The following UBL3 variants were observed in gnomAD, a reference collection of about 807,000 sequenced individuals.
UBL3 encodes the protein ubiquitin-like protein 3.
UBL3 carries 6 observed loss-of-function variants against 18.4 expected under a neutral mutation model. The observed-to-expected ratio is 0.33, with a 90% CI of 0.18 to 0.64. UBL3 has a LOEUF of 0.64. UBL3 is among the 30% of genes least tolerant of loss of function. UBL3 has a pLI of 0.76. For synonymous variants in UBL3, 49 were observed against 46.6 expected, an observed-to-expected ratio of 1.05 and a Z score of -0.21; for missense variants, 109 against 142.9, an observed-to-expected ratio of 0.76 and a Z score of 1.21.
At chr13:29,813,823 T>C (rs780514337) in intron 1 of UBL3, among the ~76,000 whole-genome samples, 4 of 152,094 alleles carry the variant, frequency 2.6e-5, no homozygotes, top group African/African-American at 9.7e-5. Flanking sequence ...AAATTCACTT[T>C]GCATCATTAT....
At chr13:29,790,431 A>C (rs948474233) in intron 1 of UBL3, among the ~76,000 whole-genome samples, 10 of 152,306 alleles carry the variant, frequency 6.6e-5, no homozygotes, top group African/African-American at 2.2e-4. Context: ...GAAAACATCA[A>C]AAACCTTCTT....
rs777999404 is a variant in UBL3 at position 29,767,230 on chromosome 13, T to C, written c.*25A>G. ...AGCAGCATGAAAGACAAAGACTATA[T>C]CACATCACACTAGGCAGACAGTGTT... On this transcript the variant is annotated 3_prime_UTR_variant, in exon 5 of 5. Transcript: ENST00000380680. 3.1e-6 allele frequency: 5 copies of C among 1,612,218 alleles called. 1 individual carries two copies. The South Asian group carries it at 5.5e-5, about 18-fold the overall frequency.
intron 1 of UBL3, among the ~76,000 whole-genome samples, chr13:29,803,655 A>C (rs1877829410): frequency 6.6e-6 from 1 of 152,164 alleles, no homozygotes; most frequent in African/African-American, 2.4e-5. Flanking sequence ...ATTTCAGACA[A>C]AACAGACTGT....
chr13:29,779,699 T>C (rs2031280), intron 1 of UBL3, among the ~76,000 whole-genome samples: 138,900 of 152,198 alleles, frequency 0.91, 63,466 homozygotes, highest in East Asian at 0.98. Flanking sequence ...TGATCTGACA[T>C]GAACAGATAG....
At chr13:29,841,989 C>T (rs570650363) in intron 1 of UBL3, among the ~76,000 whole-genome samples, 2 of 152,286 alleles carry the variant, frequency 1.3e-5, no homozygotes, top group Admixed American at 6.5e-5. Context: ...TCCAAATCCC[C>T]TTCATTTATC....
chr13:29,798,512 G>T (rs1020693694), intron 1 of UBL3, among the ~76,000 whole-genome samples: 1 of 152,058 alleles, frequency 6.6e-6, no homozygotes, highest in Non-Finnish European at 1.5e-5. Context: ...AAAAAGAAGA[G>T]GCCACAGTCC....
intron 1 of UBL3, among the ~76,000 whole-genome samples, chr13:29,844,106 C>CT (rs1307782551): frequency 1.3e-5 from 2 of 152,164 alleles, no homozygotes; most frequent in African/African-American, 4.8e-5. Flanking sequence ...TGGAAAAACT[C>CT]TGAGAAACTC....
At chr13:29,812,013 T>C (rs563636029) in intron 1 of UBL3, among the ~76,000 whole-genome samples, 8 of 152,124 alleles carry the variant, frequency 5.3e-5, no homozygotes, top group South Asian at 2.1e-4. Context: ...CCAATATAGG[T>C]TGAACTCGTA....
At chr13:29,780,640 T>C (rs956011073) in intron 1 of UBL3, among the ~76,000 whole-genome samples, 4 of 152,008 alleles carry the variant, frequency 2.6e-5, no homozygotes, top group African/African-American at 4.8e-5. Context: ...AGAATATTCA[T>C]GGGTTGCTAA....
rs531084783 is a variant in UBL3, at chr13:29,766,078, A to C, written c.*1177T>G. On this transcript the variant is annotated 3_prime_UTR_variant, in exon 5 of 5. Coordinates refer to ENST00000380680, the MANE Select transcript of UBL3 (RefSeq NM_007106.4). Reference sequence around the variant, plus strand: ...GGAAGAATTTCTTCCCAGTGAAAAAATATAAAAATCTTTCATATTTTTACA... The same window carrying C: ...GGAAGAATTTCTTCCCAGTGAAAAACTATAAAAATCTTTCATATTTTTACA... 1 of 152,718 alleles carries C rather than the reference A, an allele frequency of 6.5e-6. No individual in the cohort carries two copies. Among genetic ancestry groups the C allele is most frequent in the Admixed American group, 6.5e-5 (1 of 15,284 alleles). 9.5% of individuals were successfully genotyped at this position (152,718 alleles called of 1,614,324 possible).
chr13:29,816,738 GAGCAA>G (rs1363395522), intron 1 of UBL3, among the ~76,000 whole-genome samples: 2 of 116,890 alleles, frequency 1.7e-5, no homozygotes, highest in African/African-American at 6.5e-5. Context: ...CTGGGTGACT[GAGCAA>G]GACCCTGTCT....
chr13:29,809,688 A>C (rs1877988902), intron 1 of UBL3, among the ~76,000 whole-genome samples: 1 of 152,128 alleles, frequency 6.6e-6, no homozygotes, highest in South Asian at 2.1e-4. Flanking sequence ...GAGGCAGTGA[A>C]GAAGATATGT....
chr13:29,792,351 G>A (rs1877504039), intron 1 of UBL3, among the ~76,000 whole-genome samples: 1 of 152,026 alleles, frequency 6.6e-6, no homozygotes, highest in Non-Finnish European at 1.5e-5. Context: ...TGGAATACAA[G>A]CTCTGGAACA....
chr13:29,790,196 C>T (rs1015898293), intron 1 of UBL3, among the ~76,000 whole-genome samples: 8 of 152,022 alleles, frequency 5.3e-5, no homozygotes, highest in Non-Finnish European at 1.0e-4. Context: ...AAAAAGAGAA[C>T]GTTATTTAGG....
chr13:29,799,398 C>T (rs748837078), intron 1 of UBL3, among the ~76,000 whole-genome samples: 1 of 152,204 alleles, frequency 6.6e-6, no homozygotes, highest in Non-Finnish European at 1.5e-5. Flanking sequence ...ACAACAACTT[C>T]ACACATTTTA....
At chr13:29,789,197 C>T (rs1228424544) in intron 1 of UBL3, among the ~76,000 whole-genome samples, 18 of 152,104 alleles carry the variant, frequency 1.2e-4, no homozygotes, top group Admixed American at 7.9e-4. Flanking sequence ...CCACGCCCGG[C>T]GGGAATTATT....
At chr13:29,835,170 A>ATT in intron 1 of UBL3, among the ~76,000 whole-genome samples, 1 of 63,212 alleles carries the variant, frequency 1.6e-5, no homozygotes, top group Non-Finnish European at 2.8e-5. Flanking sequence ...ATATATATAT[A>ATT]TATATATATA....
In UBL3 at chr13:29,767,223, G is replaced by T; in HGVS notation, c.*32C>A. 1 of 1,611,294 alleles carries T rather than the reference G, an allele frequency of 6.2e-7. No individual in the cohort carries two copies. The highest frequency in any genetic ancestry group is 8.5e-7 in the Non-Finnish European group (1 of 1,178,116). Reference sequence around the variant, plus strand: ...CTGTCCCAGCAGCATGAAAGACAAAGACTATATCACATCACACTAGGCAGA... The same window carrying T: ...CTGTCCCAGCAGCATGAAAGACAAATACTATATCACATCACACTAGGCAGA... On this transcript the variant is annotated 3_prime_UTR_variant, in exon 5 of 5. Transcript: ENST00000380680.
At chr13:29,786,253 T>C (rs189494409) in intron 1 of UBL3, among the ~76,000 whole-genome samples, 1 of 152,244 alleles carries the variant, frequency 6.6e-6, no homozygotes, top group East Asian at 1.9e-4. Context: ...TCCAGCATCA[T>C]CTCCACCACT....
Sources: gnomAD v4.1 joint callset for allele counts (sites outside exome capture counted in the v4.1 genomes callset) on GRCh38, gnomAD v4.1.1 for gene constraint, MANE v1.5 for transcripts, NCBI Gene and HGNC (gene_info 2026-07-23, HGNC 2026-07-21) for gene names.